The following TMEM178B variants were observed in gnomAD, a reference collection of about 807,000 sequenced individuals.
TMEM178B encodes transmembrane protein 178B.
Under a neutral mutation model 31.0 loss-of-function variants are expected in TMEM178B, and 5 were observed. The ratio of observed to expected loss-of-function variants is 0.16; its 90% CI spans 0.08 to 0.34. TMEM178B has a LOEUF of 0.34. Among genes scored for constraint, TMEM178B ranks in the 10% least tolerant of loss-of-function variants. The pLI, the probability that TMEM178B is intolerant of heterozygous loss-of-function variation, is 1.00. For missense variants in TMEM178B, 275 were observed against 400.3 expected (o/e 0.69, Z 2.67); for synonymous variants, 164 against 164.0 (o/e 1.00, Z 0.00).
intron 1 of TMEM178B, among the ~76,000 whole-genome samples, chr7:141,129,952 A>C (rs948050440): frequency 1.3e-5 from 2 of 152,218 alleles, no homozygotes; most frequent in Admixed American, 1.3e-4. Context: ...GTTCAGATTA[A>C]GACAAAAGAT....
chr7:141,497,968 A>T, the TMEM178B span, among the ~76,000 whole-genome samples: 16 of 152,196 alleles, frequency 1.1e-4, no homozygotes, highest in Non-Finnish European at 1.9e-4. Context: ...AGTTTTTTTC[A>T]TAACTGTGTG....
intron 2 of TMEM178B, among the ~76,000 whole-genome samples, chr7:141,252,169 T>C (rs1184549295): frequency 3.9e-5 from 6 of 152,158 alleles, no homozygotes; most frequent in African/African-American, 1.4e-4. Context: ...TGTGGACCTA[T>C]TGTCCAGAGG....
intron 2 of TMEM178B, among the ~76,000 whole-genome samples, chr7:141,394,178 T>C (rs1211220007): frequency 6.6e-6 from 1 of 152,224 alleles, no homozygotes; most frequent in Non-Finnish European, 1.5e-5. Flanking sequence ...CCGTGCCCTC[T>C]GCACCTTCCA....
chr7:141,165,715 A>C (rs1235083296), intron 1 of TMEM178B, among the ~76,000 whole-genome samples: 1 of 152,230 alleles, frequency 6.6e-6, no homozygotes, highest in Non-Finnish European at 1.5e-5. Flanking sequence ...AGTGTAGTGT[A>C]ATGAGTGGTG....
chr7:141,085,390 G>A (rs116275392), intron 1 of TMEM178B, among the ~76,000 whole-genome samples: 47 of 152,180 alleles, frequency 3.1e-4, no homozygotes, highest in African/African-American at 1.1e-3. Flanking sequence ...CCTCTGAGTA[G>A]AAGCTGCTGT....
intron 2 of TMEM178B, among the ~76,000 whole-genome samples, chr7:141,229,100 GGTGTGTGTGTGTGT>G (rs3035765): frequency 1.5e-5 from 2 of 134,782 alleles, no homozygotes; most frequent in African/African-American, 2.8e-5. Flanking sequence ...GTGTGTGTGT[GGTGTGTGTGTGTGT>G]GTGTGTGTGT....
At chr7:141,118,147 T>G (rs1310373347) in intron 1 of TMEM178B, among the ~76,000 whole-genome samples, 1 of 152,246 alleles carries the variant, frequency 6.6e-6, no homozygotes, top group Non-Finnish European at 1.5e-5. Context: ...CAGATGTTTC[T>G]GTCTGTGGCT....
At chr7:141,335,371 G>C (rs1554476828) in intron 2 of TMEM178B, among the ~76,000 whole-genome samples, 1 of 152,164 alleles carries the variant, frequency 6.6e-6, no homozygotes, top group Non-Finnish European at 1.5e-5. Context: ...TCAGCACTTG[G>C]TGCTGGCACT....
At chr7:141,143,374 T>C (rs1451042617) in intron 1 of TMEM178B, among the ~76,000 whole-genome samples, 1 of 152,230 alleles carries the variant, frequency 6.6e-6, no homozygotes, top group Non-Finnish European at 1.5e-5. Context: ...CTTTCATCTA[T>C]ATTGAGGTAA....
At chr7:141,507,390 T>C in the TMEM178B span, among the ~76,000 whole-genome samples, 9 of 152,140 alleles carry the variant, frequency 5.9e-5, no homozygotes, top group African/African-American at 1.9e-4. Flanking sequence ...CTTTTTTTTT[T>C]AGATGGAGTT....
chr7:141,485,258 G>A (rs1415196981), downstream of TMEM178B, among the ~76,000 whole-genome samples: 2 of 152,194 alleles, frequency 1.3e-5, no homozygotes, highest in East Asian at 3.8e-4. Flanking sequence ...CACTTCTTTT[G>A]TGTTCTTTGT....
In TMEM178B at chr7:141,478,616, CTAACA is replaced by C. The variant is rs1180134087; in HGVS notation, c.*7832_*7836del. On this transcript the variant is annotated 3_prime_UTR_variant, in exon 4 of 4. Coordinates refer to ENST00000565468, the MANE Select transcript of TMEM178B (RefSeq NM_001195278.2). The stretch of plus-strand genomic sequence containing the variant: ...ATTAATTTTTAGACTACATTTTAAC[CTAACA>C]TGTCAAAAATAGTATCACTTCAGCA... The C allele has an allele frequency of 6.6e-6, 1 of 152,134 alleles. No homozygotes were observed. The highest frequency in any genetic ancestry group is 1.5e-5 in the Non-Finnish European group (1 of 68,018). The allele number at this position is 152,134 out of a possible 1,614,324, so 9.4% of individuals were successfully genotyped here. A position where few individuals can be genotyped will look rare whatever the true frequency, so the allele number is the denominator to read the frequency against.
At chr7:141,394,123 G>C (rs1480145761) in intron 2 of TMEM178B, among the ~76,000 whole-genome samples, 1 of 151,884 alleles carries the variant, frequency 6.6e-6, no homozygotes, top group Non-Finnish European at 1.5e-5. Context: ...TGTTGAGAAT[G>C]ATTCCACAGA....
At chr7:141,396,481 C>A (rs1208872028) in intron 2 of TMEM178B, among the ~76,000 whole-genome samples, 1 of 152,162 alleles carries the variant, frequency 6.6e-6, no homozygotes, top group East Asian at 1.9e-4. Context: ...GCCAGAATGA[C>A]CTTCAGGGCT....
chr7:141,270,923 C>T (rs1798170798), intron 2 of TMEM178B, among the ~76,000 whole-genome samples: 1 of 152,198 alleles, frequency 6.6e-6, no homozygotes, highest in Admixed American at 6.5e-5. Flanking sequence ...CTTTTCACTT[C>T]TGTACATTTC....
At chr7:141,286,057 G>A (rs746466801) in intron 2 of TMEM178B, among the ~76,000 whole-genome samples, 11 of 151,928 alleles carry the variant, frequency 7.2e-5, no homozygotes, top group Non-Finnish European at 1.5e-4. Flanking sequence ...AAACCTGCAC[G>A]TTCTGCACAT....
chr7:141,213,772 A>T (rs890592454), intron 2 of TMEM178B, among the ~76,000 whole-genome samples: 5 of 152,188 alleles, frequency 3.3e-5, no homozygotes, highest in African/African-American at 1.2e-4. Context: ...GGGAGGTGAA[A>T]GAGACAAGTA....
At chr7:141,270,045 A>G (rs1320257484) in intron 2 of TMEM178B, among the ~76,000 whole-genome samples, 1 of 152,212 alleles carries the variant, frequency 6.6e-6, no homozygotes, top group African/African-American at 2.4e-5. Flanking sequence ...AGCCTGGGTG[A>G]CAGAGTGAGA....
At chr7:141,184,798 C>T (rs949363531) in intron 1 of TMEM178B, among the ~76,000 whole-genome samples, 5 of 152,152 alleles carry the variant, frequency 3.3e-5, no homozygotes, top group Non-Finnish European at 7.3e-5. Flanking sequence ...CGCAGTGACC[C>T]TTTTCTCAGG....
Sources: gnomAD v4.1 joint callset for allele counts (sites outside exome capture counted in the v4.1 genomes callset) on GRCh38, gnomAD v4.1.1 for gene constraint, MANE v1.5 for transcripts, NCBI Gene and HGNC (gene_info 2026-07-23, HGNC 2026-07-21) for gene names.